Variants in PTPRS observed in about 807,000 individuals in gnomAD.
The protein encoded by PTPRS is receptor-type tyrosine-protein phosphatase S.
In PTPRS, 63 loss-of-function variants were observed where a neutral mutation model predicts 215.3. That is an observed-to-expected ratio of 0.29 (90% CI 0.24 to 0.36). PTPRS has a LOEUF of 0.36. Ranked by LOEUF, PTPRS falls within the 10% of genes least tolerant of loss-of-function variation. The probability of loss-of-function intolerance (pLI) is 1.00; values close to 1 mark genes in which losing one functional copy is unlikely to be tolerated. For synonymous variants in PTPRS, 1,404 were observed against 1,191.4 expected (o/e 1.18, Z -3.68); for missense variants, 2,258 against 2,825.8 (o/e 0.80, Z 4.56).
chr19:5,274,426 ATTCCATGCCCT>A (rs2047183859), intron 2 of PTPRS, 82 bp from the exon 3 acceptor site: 6 of 1,454,736 alleles, frequency 4.1e-6, no homozygotes, highest in Non-Finnish European at 4.6e-6. Context: ...GAAAACCTGC[ATTCCATGCCCT>A]GCCCACGGAA....
rs1403232996 is a variant in PTPRS, at chr19:5,223,190, G to A, written c.2602C>T (p.Leu868=). ...TAEDQVLGYR[L]QFGREDSTPL... ...GTCGAGTCCTCACGGCCAAACTGCA[G>A]GCGGTAGCCCAGCACCTGGTCCTCC... The change falls in exon 18 of 38, where the codon CTG becomes TTG. Residue 868 remains leucine (L), a synonymous_variant. Coordinates refer to ENST00000262963, the MANE Select transcript of PTPRS (RefSeq NM_002850.4). The A allele has an allele frequency of 1.3e-6, 2 of 1,553,846 alleles. No homozygotes were observed. Among genetic ancestry groups the A allele is most frequent in the Non-Finnish European group, 1.7e-6 (2 of 1,150,090 alleles).
At chr19:5,214,897 A>G (rs994865293) in intron 28 of PTPRS, among the ~76,000 whole-genome samples, 161 bp from the exon 29 acceptor site, 3 of 152,180 alleles carry the variant, frequency 2.0e-5, no homozygotes, top group Admixed American at 6.5e-5. Context: ...CAGCGCCATC[A>G]CCATTTGGGG....
intron 9 of PTPRS, among the ~76,000 whole-genome samples, chr19:5,246,849 G>A (rs2044531857): frequency 6.6e-6 from 1 of 151,980 alleles, no homozygotes; most frequent in African/African-American, 2.4e-5. Flanking sequence ...ATCAATAGAT[G>A]CAGCTCTGAG....
chr19:5,325,938 C>G (rs1462127783), intron 1 of PTPRS, among the ~76,000 whole-genome samples: 1 of 152,200 alleles, frequency 6.6e-6, no homozygotes, highest in Non-Finnish European at 1.5e-5. Flanking sequence ...TAGTCACATT[C>G]AATAACACTG....
chr19:5,261,487 C>T (rs919618916), intron 6 of PTPRS, among the ~76,000 whole-genome samples: 22 of 152,148 alleles, frequency 1.4e-4, no homozygotes, highest in Non-Finnish European at 2.5e-4. Context: ...CAGGAAAAGG[C>T]GGCTCGGGGC....
rs148699840 is a variant in PTPRS at position 5,313,940 on chromosome 19, A to AAATAATAAT, written c.-95+26715_-95+26723dup. 2.0e-4 allele frequency among the ~76,000 whole-genome samples: 30 copies of AAATAATAAT among 146,658 alleles called. No individual in the cohort carries two copies. The East Asian group carries it at 4.1e-3, about 20-fold the overall frequency. On this transcript the variant is annotated intron_variant, in intron 1 of 37. Transcript: ENST00000262963. ...AGCAAGACTCTCTCTCTCTCTCCAC[A>AAATAATAAT]AATAATAATAATAATAATAATAATA...
At chr19:5,253,282 T>A (rs1266588123) in intron 9 of PTPRS, among the ~76,000 whole-genome samples, 2 of 152,168 alleles carry the variant, frequency 1.3e-5, no homozygotes, top group East Asian at 3.8e-4. Flanking sequence ...CCTGAATATT[T>A]TACCCCCTGT....
chr19:5,235,175 C>T (rs1158416485), intron 13 of PTPRS, among the ~76,000 whole-genome samples: 1 of 151,990 alleles, frequency 6.6e-6, no homozygotes, highest in Non-Finnish European at 1.5e-5. Context: ...CTCCTGACCT[C>T]GTGATCCGCC....
At position 5,223,226 on chromosome 19, in the gene PTPRS, C is replaced by G. The variant is rs2042166748; in HGVS notation, c.2566G>C (p.Ala856Pro). 4.0e-6 allele frequency: 6 copies of G among 1,494,196 alleles called. No homozygotes were observed. The highest frequency in any genetic ancestry group is 2.2e-5 in the Admixed American group (1 of 45,052). 92.6% of individuals were successfully genotyped at this position (1,494,196 alleles called of 1,614,324 possible). Residue 856 changes from alanine (A) to proline (P), a missense_variant, in exon 18 of 38, where the codon GCT becomes CCT. Physicochemically the swap from Ala to Pro is conservative, Grantham distance 27. This residue lies in a region of PTPRS where 361 missense variants were observed against 332.6 expected (regional missense o/e 1.09). Transcript: ENST00000262963. ...GSLLARWEPP[A>P]GTAEDQVLGY... ...AGCACCTGGTCCTCCGCGGTGCCAG[C>G]CGGGGGCTCCCAGCGTGCCAGCAGG...
At chr19:5,264,760 G>A (rs999823116) in intron 5 of PTPRS, among the ~76,000 whole-genome samples, 10 of 152,076 alleles carry the variant, frequency 6.6e-5, no homozygotes, top group African/African-American at 2.2e-4. Context: ...CATTGGCCAG[G>A]TGTTGAAGCA....
chr19:5,306,122 C>T (rs955099378), intron 1 of PTPRS, among the ~76,000 whole-genome samples: 8 of 150,288 alleles, frequency 5.3e-5, no homozygotes, highest in Non-Finnish European at 1.2e-4. Flanking sequence ...AGTTATTGAT[C>T]AAAGGTAACT....
At chr19:5,334,943 G>A (rs1423981185) in intron 1 of PTPRS, among the ~76,000 whole-genome samples, 1 of 152,208 alleles carries the variant, frequency 6.6e-6, no homozygotes, top group Non-Finnish European at 1.5e-5. Context: ...ACTCTAAATA[G>A]TCGGAGCAGC....
chr19:5,298,170 G>A (rs1366720140), intron 1 of PTPRS, among the ~76,000 whole-genome samples: 1 of 152,150 alleles, frequency 6.6e-6, no homozygotes, highest in Non-Finnish European at 1.5e-5. Context: ...AGCAGACCAT[G>A]TTCCAGTGTC....
intron 11 of PTPRS, among the ~76,000 whole-genome samples, 195 bp downstream of exon 11, chr19:5,243,706 C>T (rs1316532366): frequency 3.9e-5 from 6 of 152,052 alleles, no homozygotes; most frequent in South Asian, 4.1e-4. Flanking sequence ...TCCTGACCTC[C>T]GGTGACCCGC....
At chr19:5,229,271 C>T in intron 16 of PTPRS, 45 bp downstream of exon 16, 2 of 1,365,562 alleles carry the variant, frequency 1.5e-6, no homozygotes, top group Non-Finnish European at 9.5e-7. Flanking sequence ...GCACGGCCCG[C>T]GGGAAGCGCA....
In PTPRS at chr19:5,262,982, T is replaced by A. The variant is rs1294244300; in HGVS notation, c.569-10A>T. The A allele has an allele frequency of 7.4e-7, 1 of 1,356,072 alleles. No individual in the cohort carries two copies. Among genetic ancestry groups the A allele is most frequent in the African/African-American group, 1.7e-5 (1 of 60,052 alleles). The allele number at this position is 1,356,072 out of a possible 1,614,324, so 84.0% of individuals were successfully genotyped here. A position where few individuals can be genotyped will look rare whatever the true frequency, so the allele number is the denominator to read the frequency against. ...GACTTACCAAAGGTTTCTGAACGTTTACAACAGGAGGATAAGAAAAGAGAA... is the reference window on the plus strand; with the variant it reads ...GACTTACCAAAGGTTTCTGAACGTTAACAACAGGAGGATAAGAAAAGAGAA... On this transcript the variant is annotated splice_polypyrimidine_tract_variant and intron_variant, in intron 5 of 37. Coordinates refer to ENST00000262963, the MANE Select transcript of PTPRS (RefSeq NM_002850.4).
At chr19:5,236,848 G>GAAAAA (rs201543336) in intron 13 of PTPRS, among the ~76,000 whole-genome samples, 2 of 126,170 alleles carry the variant, frequency 1.6e-5, no homozygotes, top group Admixed American at 7.4e-5. Context: ...GGGAGCAGGG[G>GAAAAA]GAAAAAAAAA....
In PTPRS at chr19:5,293,416, G is replaced by T. The variant is rs962314352; in HGVS notation, c.-94-7182C>A. 1.3e-4 allele frequency among the ~76,000 whole-genome samples: 19 copies of T among 151,828 alleles called. No homozygotes were observed. Among genetic ancestry groups the T allele is most frequent in the Non-Finnish European group, 2.2e-4 (15 of 67,810 alleles). On this transcript the variant is annotated intron_variant, in intron 1 of 37. Coordinates refer to ENST00000262963, the MANE Select transcript of PTPRS (RefSeq NM_002850.4). This position sits in a 1 kb window ranked among gnomAD's most constrained non-coding sequence, Gnocchi z 8.4. Reference sequence around the variant, plus strand: ...AGTGGGGCGGGGGGACCAGAGGGGAGCCCCATCTGGAGGCGCGGAGAGCCT... The same window carrying T: ...AGTGGGGCGGGGGGACCAGAGGGGATCCCCATCTGGAGGCGCGGAGAGCCT...
rs762385011 is a variant in PTPRS, at chr19:5,221,095, G to A, written c.3360C>T (p.Asn1120=). The A allele has an allele frequency of 5.6e-6, 9 of 1,614,040 alleles. No homozygotes were observed. The South Asian group carries it at 7.7e-5, about 14-fold the overall frequency. Reference sequence around the variant, plus strand: ...CGACGCTGGGCTTGCCGTTGAGCAGGTTGAAGGCAGTCCAGGCGGTGACCG... The same window carrying A: ...CGACGCTGGGCTTGCCGTTGAGCAGATTGAAGGCAGTCCAGGCGGTGACCG... ...QQTVTAWTAF[N]LLNGKPSVAP... Residue 1120 remains asparagine, a synonymous_variant, in exon 20 of 38, where the codon AAC becomes AAT. Transcript: ENST00000262963.
Sources: gnomAD v4.1 joint callset for allele counts (sites outside exome capture counted in the v4.1 genomes callset) on GRCh38, gnomAD v4.1.1 for gene constraint, gnomAD v4.1.1 regional missense constraint, Gnocchi (gnomAD v3.1) non-coding constraint, MANE v1.5 for transcripts, NCBI Gene and HGNC (gene_info 2026-07-23, HGNC 2026-07-21) for gene names.